The following PGM3 variants were observed in gnomAD, a reference collection of about 807,000 sequenced individuals.
PGM3 encodes the protein phosphoglucomutase 3.
Under a neutral mutation model 66.2 loss-of-function variants are expected in PGM3, and 40 were observed. The observed-to-expected ratio is 0.60, with a 90% CI of 0.47 to 0.79. PGM3 has a LOEUF of 0.79. Among genes scored for constraint, PGM3 ranks in the 30% least tolerant of loss-of-function variants. The pLI is 0.00. For synonymous variants in PGM3, 191 were observed against 224.2 expected (o/e 0.85, Z 1.32); for missense variants, 537 against 643.4 (o/e 0.83, Z 1.79).
rs1239093933 is a variant in PGM3, at chr6:83,167,576, T to C, written c.*1658A>G. On this transcript the variant is annotated 3_prime_UTR_variant, in exon 13 of 13. Coordinates refer to ENST00000513973, the MANE Select transcript of PGM3 (RefSeq NM_015599.3). ...AAATACAAAGCACAACATAAAACTT[T>C]TATGTTTGACTCTATTCCTGTTCAA... 4 of 1,100,282 alleles carry C rather than the reference T, an allele frequency of 3.6e-6. No individual in the cohort carries two copies. The highest frequency in any genetic ancestry group is 4.7e-5 in the Admixed American group (1 of 21,304). 68.2% of individuals were successfully genotyped at this position (1,100,282 alleles called of 1,614,324 possible). A position where few individuals can be genotyped will look rare whatever the true frequency, so the allele number is the denominator to read the frequency against.
At chr6:83,162,987 A>C, downstream of PGM3, 1 of 1,494,940 alleles carries the variant, frequency 6.7e-7, no homozygotes, top group Non-Finnish European at 9.0e-7. Context: ...GTATTTATTA[A>C]ATACTTCCTG....
rs765763996 is a variant in PGM3, at chr6:83,171,990, G to T, written c.1312C>A (p.Gln438Lys). The T allele has an allele frequency of 1.2e-6, 2 of 1,612,614 alleles. No individual in the cohort carries two copies. Among genetic ancestry groups the T allele is most frequent in the Non-Finnish European group, 1.7e-6 (2 of 1,178,598 alleles). Residue 438 changes from glutamine (Q) to lysine (K), a missense_variant, in exon 11 of 13, where the codon CAA becomes AAA. Transcript: ENST00000513973. ...TCTGTATAGAGAGCATCCCACTGTTGTACAGTCAAGCCCTTCAGAGCCAAG... is the reference window on the plus strand; with the variant it reads ...TCTGTATAGAGAGCATCCCACTGTTTTACAGTCAAGCCCTTCAGAGCCAAG... ...AILALKGLTV[Q>K]QWDALYTDLP...
chr6:83,157,058 GTTTTGAATTTTT>G (rs575707085), downstream of PGM3: 298 of 877,580 alleles, frequency 3.4e-4, 3 homozygotes, highest in African/African-American at 4.7e-3. Context: ...ATCTACAACA[GTTTTGAATTTTT>G]TTAAAGTTTA....
the PGM3 span, chr6:83,151,536 C>A: frequency 1.4e-6 from 2 of 1,391,022 alleles, no homozygotes; most frequent in African/African-American, 1.4e-5. Flanking sequence ...AATTAGATCG[C>A]ATTAGTTTCT....
At chr6:83,174,319 C>A in intron 10 of PGM3, 55 bp downstream of exon 10, 1 of 926,368 alleles carries the variant, frequency 1.1e-6, no homozygotes, top group Non-Finnish European at 1.7e-6. Flanking sequence ...CTGTTCTGTC[C>A]ATCTTCTGAA....
intron 2 of PGM3, among the ~76,000 whole-genome samples, chr6:83,189,548 G>A (rs1200471385): frequency 6.6e-6 from 1 of 152,138 alleles, no homozygotes; most frequent in East Asian, 1.9e-4. Flanking sequence ...CCCTTGTTTG[G>A]GGGAAGAGGA....
chr6:83,167,644 G>A lies in PGM3; in HGVS notation c.*1590C>T, dbSNP rs1583230184. ...AAGCTTATCTGCGCATTCTAGTTGG[G>A]AACTATTACTACAATGTTAGACTGC... On this transcript the variant is annotated 3_prime_UTR_variant, in exon 13 of 13. Coordinates refer to ENST00000513973, the MANE Select transcript of PGM3 (RefSeq NM_015599.3). The A allele has an allele frequency of 7.9e-7, 1 of 1,265,240 alleles. No individual in the cohort carries two copies. Among genetic ancestry groups the A allele is most frequent in the Non-Finnish European group, 9.9e-7 (1 of 1,007,490 alleles). 78.4% of individuals were successfully genotyped at this position (1,265,240 alleles called of 1,614,324 possible).
rs1433023238 is a variant in PGM3, at chr6:83,181,872, C to T, written c.651G>A (p.Gly217=). ...GTTCCATTTCCCTTAGCTTCAGGGC[C>T]CCTATGCCATTTGCACAGTCAACCT... ...SLKVDCANGI[G]ALKLREMEHY... Residue 217 remains glycine, a synonymous_variant, in exon 6 of 13, where the codon GGG becomes GGA. Transcript: ENST00000513973. The T allele has an allele frequency of 2.5e-6, 4 of 1,613,698 alleles. No homozygotes were observed. The South Asian group carries it at 4.4e-5, about 18-fold the overall frequency.
At position 83,191,958 on chromosome 6, in the gene PGM3, CAAAAAAAAAAAA is replaced by C. The variant is rs1219337174; in HGVS notation, c.-2-956_-2-945del. ...TGGGTGACAAAGGGAGACTCGGTCT[CAAAAAAAAAAAA>C]AAAAAAAAAAAACAGGCCAGGTGAG... On this transcript the variant is annotated intron_variant, in intron 1 of 12. Coordinates refer to ENST00000513973, the MANE Select transcript of PGM3 (RefSeq NM_015599.3). 3.0e-4 allele frequency among the ~76,000 whole-genome samples: 12 copies of C among 39,364 alleles called. 1 individual carries two copies. In the South Asian group the frequency reaches 4.3e-3, roughly 14 times the overall value. The allele number at this position is 39,364 out of a possible 152,430, so 25.8% of individuals were successfully genotyped here.
intron 11 of PGM3, chr6:83,171,227 A>C (rs1787031219): frequency 6.6e-6 from 1 of 152,162 alleles, no homozygotes; most frequent in Non-Finnish European, 1.5e-5. Flanking sequence ...TGTATAGGGC[A>C]ATAATTGAAA....
At chr6:83,171,809 T>G (rs1056304844) in intron 11 of PGM3, 128 bp downstream of exon 11, 28 of 745,602 alleles carry the variant, frequency 3.8e-5, no homozygotes, top group Admixed American at 2.3e-4. Context: ...GGCCTTATTT[T>G]CTATGTATCA....
the PGM3 span, chr6:83,153,769 C>T: frequency 8.4e-7 from 1 of 1,197,226 alleles, no homozygotes; most frequent in Non-Finnish European, 1.1e-6. Context: ...TATTATTTTT[C>T]TTATGGTGCT....
chr6:83,162,743 G>A (rs552324210), downstream of PGM3: 9 of 1,556,864 alleles, frequency 5.8e-6, no homozygotes, highest in East Asian at 1.1e-4. Context: ...ATCTTAGATG[G>A]CACAAAGTCT....
At chr6:83,191,569 C>T (rs1247587438) in intron 1 of PGM3, among the ~76,000 whole-genome samples, 1 of 152,186 alleles carries the variant, frequency 6.6e-6, no homozygotes, top group Non-Finnish European at 1.5e-5. Context: ...GCAACAGTTT[C>T]TTCTCCAAGA....
At chr6:83,157,560 A>C (rs1783071656), downstream of PGM3, among the ~76,000 whole-genome samples, 1 of 152,198 alleles carries the variant, frequency 6.6e-6, no homozygotes, top group Non-Finnish European at 1.5e-5. Context: ...ACTTTCTTGG[A>C]TCTGGTTTAG....
chr6:83,155,294 T>G, the PGM3 span, among the ~76,000 whole-genome samples: 1 of 143,060 alleles, frequency 7.0e-6, no homozygotes, highest in African/African-American at 2.6e-5. Context: ...AGACCCCAGC[T>G]CTACAAAAAA....
At chr6:83,162,939 T>C (rs1409257624), downstream of PGM3, 1 of 1,605,108 alleles carries the variant, frequency 6.2e-7, no homozygotes, top group East Asian at 2.2e-5. Context: ...TCTTTTGTGA[T>C]TGTTTTGTTT....
At chr6:83,175,867 A>G (rs986570277) in intron 9 of PGM3, 95 bp downstream of exon 9, 6 of 657,886 alleles carry the variant, frequency 9.1e-6, no homozygotes, top group Non-Finnish European at 1.4e-5. Flanking sequence ...TTATTTCAAC[A>G]AAGTACAATA....
downstream of PGM3, chr6:83,164,788 G>C: frequency 7.6e-7 from 1 of 1,310,158 alleles, no homozygotes; most frequent in Non-Finnish European, 1.1e-6. Context: ...ACAAACCCAG[G>C]TCTGAATGTC....
Sources: gnomAD v4.1 joint callset for allele counts (sites outside exome capture counted in the v4.1 genomes callset) on GRCh38, gnomAD v4.1.1 for gene constraint, MANE v1.5 for transcripts, NCBI Gene and HGNC (gene_info 2026-07-23, HGNC 2026-07-21) for gene names.